The following ASCC3 variants were observed in gnomAD, a reference collection of about 807,000 sequenced individuals.
The protein encoded by ASCC3 is ASC-1 complex subunit P200.
In ASCC3, 158 loss-of-function variants were observed where a neutral mutation model predicts 256.3. The ratio of observed to expected loss-of-function variants is 0.62; its 90% CI spans 0.54 to 0.70. The LOEUF is 0.70. ASCC3 is among the 30% of genes least tolerant of loss of function. The pLI, the probability that ASCC3 is intolerant of heterozygous loss-of-function variation, is 0.00. For missense variants in ASCC3, 2,259 were observed against 2,626.0 expected (o/e 0.86, Z 3.05); for synonymous variants, 948 against 883.4 (o/e 1.07, Z -1.30).
chr6:100,779,651 T>C (rs953008481), intron 8 of ASCC3, among the ~76,000 whole-genome samples: 8 of 152,154 alleles, frequency 5.3e-5, no homozygotes, highest in African/African-American at 1.4e-4. Flanking sequence ...CAGTAATAGA[T>C]TCAGATAAAC....
At chr6:100,717,947 T>TGCAAAAGGCCATTTCAGTGGACACC in intron 12 of ASCC3, 128 bp downstream of exon 12, 2 of 775,990 alleles carry the variant, frequency 2.6e-6, no homozygotes, top group Non-Finnish European at 4.2e-6. Flanking sequence ...TTCAATGTTC[T>TGCAAAAGGCCATTTCAGTGGACACC]GCAAAAGGCC....
chr6:100,687,030 T>A (rs200616113), intron 13 of ASCC3, among the ~76,000 whole-genome samples: 11,932 of 128,274 alleles, frequency 0.093, 642 homozygotes, highest in Admixed American at 0.15. Flanking sequence ...TCTCTCTCTC[T>A]CTCTCACACA....
intron 14 of ASCC3, among the ~76,000 whole-genome samples, chr6:100,670,677 T>C (rs565762312): frequency 1.3e-4 from 19 of 150,900 alleles, no homozygotes; most frequent in Non-Finnish European, 2.4e-4. Flanking sequence ...TTGGCTGAAT[T>C]CATGGAACCC....
chr6:100,725,486 T>G, intron 11 of ASCC3, 53 bp downstream of exon 11: 1 of 1,573,146 alleles, frequency 6.4e-7, no homozygotes, highest in East Asian at 2.2e-5. Context: ...ACATTTTAAG[T>G]TGAAAAACAT....
At chr6:100,796,391 C>G (rs1000385220) in intron 8 of ASCC3, among the ~76,000 whole-genome samples, 1 of 152,066 alleles carries the variant, frequency 6.6e-6, no homozygotes, top group African/African-American at 2.4e-5. Context: ...AATCTGCATA[C>G]CAGGTTTATA....
At chr6:100,594,078 GAAATCT>G (rs1341151874) in intron 34 of ASCC3, among the ~76,000 whole-genome samples, 3 of 152,178 alleles carry the variant, frequency 2.0e-5, no homozygotes, top group African/African-American at 4.8e-5. Context: ...AACAGTGGTT[GAAATCT>G]TTGTCAACAC....
intron 4 of ASCC3, among the ~76,000 whole-genome samples, chr6:100,836,498 T>A (rs1288093776): frequency 1.3e-5 from 2 of 152,152 alleles, no homozygotes; most frequent in African/African-American, 2.4e-5. Flanking sequence ...ACTGAAATGA[T>A]CAGGAAGTTT....
chr6:100,576,432 A>G (rs1420955573), intron 36 of ASCC3, among the ~76,000 whole-genome samples: 2 of 152,060 alleles, frequency 1.3e-5, no homozygotes. Context: ...CTTACATGTC[A>G]ATGCTTTAAA....
intron 3 of ASCC3, among the ~76,000 whole-genome samples, chr6:100,849,937 T>C (rs1162342222): frequency 6.6e-6 from 1 of 151,594 alleles, no homozygotes; most frequent in East Asian, 1.9e-4. Context: ...CCGTCTTTAC[T>C]AAAAATACAA....
At chr6:100,583,551 T>A (rs1771445136) in intron 36 of ASCC3, among the ~76,000 whole-genome samples, 1 of 152,210 alleles carries the variant, frequency 6.6e-6, no homozygotes, top group African/African-American at 2.4e-5. Flanking sequence ...CCTGAATTCA[T>A]TAATTTTTTG....
intron 36 of ASCC3, among the ~76,000 whole-genome samples, chr6:100,567,748 G>A (rs1045951653): frequency 6.6e-6 from 1 of 152,056 alleles, no homozygotes; most frequent in Non-Finnish European, 1.5e-5. Context: ...TTGTGGCTGT[G>A]TAGTATTCCA....
At chr6:100,837,729 A>C (rs968836077) in intron 4 of ASCC3, among the ~76,000 whole-genome samples, 1 of 152,004 alleles carries the variant, frequency 6.6e-6, no homozygotes, top group African/African-American at 2.4e-5. Flanking sequence ...GAGGCTGGGG[A>C]GATTGGGGGT....
Position 100,606,770 on chromosome 6 carries a change from T to C in ASCC3, c.5014A>G (p.Thr1672Ala), listed in dbSNP as rs748161941. The part of the protein sequence containing the change: ...IKGTEYYDGK[T>A]RRYVDFPITD... ...ATGGGAAAATCCACATAACGTCTTG[T>C]TTTTCCATCATAGTATTCTGTTCCC... The change falls in exon 32 of 42, where the codon ACA becomes GCA. Residue 1672 changes from threonine to alanine, a missense_variant. By Grantham distance (58) the Thr-to-Ala change is moderately conservative. Coordinates refer to ENST00000369162, the MANE Select transcript of ASCC3 (RefSeq NM_006828.4). 3 of 1,607,732 alleles carry C rather than the reference T, an allele frequency of 1.9e-6. No homozygotes were observed. In the South Asian group the frequency reaches 3.4e-5, roughly 18 times the overall value.
chr6:100,721,009 T>C (rs761006345), intron 11 of ASCC3, among the ~76,000 whole-genome samples: 20 of 150,312 alleles, frequency 1.3e-4, no homozygotes, highest in Non-Finnish European at 2.2e-4. Context: ...ATAAACAATT[T>C]ACAAAATTAT....
At chr6:100,811,058 C>A (rs117470340) in intron 4 of ASCC3, among the ~76,000 whole-genome samples, 1 of 152,040 alleles carries the variant, frequency 6.6e-6, no homozygotes, top group African/African-American at 2.4e-5. Flanking sequence ...ACCCCCCGCC[C>A]ATACTAAAGT....
intron 37 of ASCC3, chr6:100,530,251 G>T: frequency 1.1e-6 from 1 of 944,454 alleles, no homozygotes; most frequent in Non-Finnish European, 1.7e-6. Context: ...CACAGGAGGA[G>T]GGGAGAGGCC....
intron 3 of ASCC3, chr6:100,857,477 T>C (rs1014281690): frequency 1.3e-5 from 2 of 152,092 alleles, no homozygotes; most frequent in African/African-American, 4.8e-5. Context: ...AGACACTCTT[T>C]TACATCTTTT....
At chr6:100,679,479 A>G (rs1777183599) in intron 14 of ASCC3, 139 bp downstream of exon 14, 2 of 1,200,084 alleles carry the variant, frequency 1.7e-6, no homozygotes, top group East Asian at 4.7e-5. Flanking sequence ...CATTAAGTCA[A>G]GAAAAAAGTC....
At chr6:100,600,256 C>T (rs545570933) in intron 34 of ASCC3, among the ~76,000 whole-genome samples, 16 of 151,080 alleles carry the variant, frequency 1.1e-4, no homozygotes, top group Non-Finnish European at 1.9e-4. Flanking sequence ...GATTATGAGT[C>T]AGAAAACCTG....
Sources: allele counts gnomAD v4.1 joint callset (sites outside exome capture counted in the v4.1 genomes callset), GRCh38; gene constraint gnomAD v4.1.1; transcripts MANE v1.5; gene names NCBI Gene and HGNC (gene_info 2026-07-23, HGNC 2026-07-21).